Variants in SIMC1 observed in about 807,000 individuals in gnomAD.
The protein encoded by SIMC1 is SUMO-interacting motif-containing protein 1.
In SIMC1, 55 loss-of-function variants were observed where a neutral mutation model predicts 82.3. That is an observed-to-expected ratio of 0.67 (90% CI 0.54 to 0.84). The LOEUF (loss-of-function observed/expected upper bound fraction) is 0.84, where lower values mean the gene tolerates loss of function less well. SIMC1 is among the 40% of genes least tolerant of loss of function. SIMC1 has a pLI of 0.00. For missense variants in SIMC1, 915 were observed against 1,107.2 expected (o/e 0.83, Z 2.46); for synonymous variants, 353 against 426.3 (o/e 0.83, Z 2.12).
intron 4 of SIMC1, among the ~76,000 whole-genome samples, chr5:176,300,916 GAAC>G (rs1764014999): frequency 6.6e-6 from 1 of 152,064 alleles, no homozygotes; most frequent in Admixed American, 6.5e-5. Flanking sequence ...AATCTGAACA[GAAC>G]AATAACTAGT....
chr5:176,264,779 A>G (rs1762135373), intron 1 of SIMC1, among the ~76,000 whole-genome samples: 1 of 151,746 alleles, frequency 6.6e-6, no homozygotes, highest in Non-Finnish European at 1.5e-5. Context: ...CCCACATTTG[A>G]TTGTGGACTG....
rs1762734350 is a variant in SIMC1 at position 176,276,931 on chromosome 5, A to G, written c.130-12723A>G. Among the ~76,000 whole-genome samples, 2 of 150,780 alleles carry G rather than the reference A, an allele frequency of 1.3e-5. 1 individual carries two copies. The highest frequency in any genetic ancestry group is 4.9e-5 in the African/African-American group (2 of 40,908). On this transcript the variant is annotated intron_variant, in intron 1 of 9. Transcript: ENST00000429602. The stretch of plus-strand genomic sequence containing the variant: ...ATACGTGTACATGTGTCTTTATAGC[A>G]GCATGATTTATAGTCCTTTGGGTAT...
At chr5:176,336,285 A>G (rs576376531) in intron 7 of SIMC1, among the ~76,000 whole-genome samples, 45 of 152,266 alleles carry the variant, frequency 3.0e-4, no homozygotes, top group Admixed American at 8.5e-4. Context: ...TTTGCATACA[A>G]GTACACTTGC....
intron 7 of SIMC1, among the ~76,000 whole-genome samples, chr5:176,331,776 T>C (rs1765681602): frequency 1.3e-5 from 2 of 151,854 alleles, no homozygotes; most frequent in Admixed American, 1.3e-4. Flanking sequence ...CAAGACCAGC[T>C]TGGCCAGCAT....
At chr5:176,334,800 A>G (rs1765813211) in intron 7 of SIMC1, among the ~76,000 whole-genome samples, 1 of 152,140 alleles carries the variant, frequency 6.6e-6, no homozygotes, top group African/African-American at 2.4e-5. Context: ...TTCTCTCAAG[A>G]ATCACAGTCC....
At chr5:176,292,529 G>C (rs913569278) in intron 2 of SIMC1, among the ~76,000 whole-genome samples, 1 of 151,906 alleles carries the variant, frequency 6.6e-6, no homozygotes, top group Non-Finnish European at 1.5e-5. Flanking sequence ...TTATGCCTCT[G>C]CCTGACCACT....
chr5:176,267,913 C>T (rs1454972658), intron 1 of SIMC1, among the ~76,000 whole-genome samples: 12 of 149,084 alleles, frequency 8.0e-5, no homozygotes, highest in South Asian at 4.3e-4. Flanking sequence ...CGCACCATCA[C>T]GCCAGCCAGA....
At chr5:176,322,061 G>A (rs1458346500) in intron 5 of SIMC1, among the ~76,000 whole-genome samples, 1 of 151,848 alleles carries the variant, frequency 6.6e-6, no homozygotes, top group East Asian at 1.9e-4. Context: ...GCAGTTAAAT[G>A]TGATGTTTTT....
intron 5 of SIMC1, among the ~76,000 whole-genome samples, chr5:176,320,139 A>AG (rs1336942498): frequency 6.6e-6 from 1 of 152,248 alleles, no homozygotes; most frequent in East Asian, 1.9e-4. Flanking sequence ...GAAGATAGCA[A>AG]GGGTCTCTGC....
chr5:176,313,249 C>A, intron 4 of SIMC1: 1 of 1,371,638 alleles, frequency 7.3e-7, no homozygotes, highest in Non-Finnish European at 9.5e-7. Flanking sequence ...GAACCAGTTT[C>A]TCTTTCTCTG....
chr5:176,308,598 C>CA (rs1250159190), intron 4 of SIMC1: 2 of 1,583,068 alleles, frequency 1.3e-6, no homozygotes, highest in African/African-American at 2.7e-5. Context: ...CATACAGGCC[C>CA]AAAAGAGTTC....
intron 7 of SIMC1, among the ~76,000 whole-genome samples, chr5:176,328,231 A>G (rs1765475723): frequency 6.6e-6 from 1 of 152,208 alleles, no homozygotes; most frequent in Non-Finnish European, 1.5e-5. Flanking sequence ...ATAAGTTTAA[A>G]AAGCAAAATG....
rs1312420003 is a variant in SIMC1 at position 176,290,186 on chromosome 5, G to T, written c.662G>T (p.Cys221Phe). The change falls in exon 2 of 10, where the codon TGC becomes TTC. Residue 221 changes from cysteine (C) to phenylalanine (F), a missense_variant. This residue lies in a region of SIMC1 where 902 missense variants were observed against 1,040.3 expected (regional missense o/e 0.87). Transcript: ENST00000429602. ...DVSRPPQALP[C>F]PLRPLPCPPR... ...TCTCGCCCACCACAGGCCTTGCCGT[G>T]CCCCCTGCGACCTTTGCCATGCCCA... is the stretch of plus-strand genomic sequence containing the variant. 10 of 1,611,624 alleles carry T rather than the reference G, an allele frequency of 6.2e-6. No homozygotes were observed. The highest frequency in any genetic ancestry group is 8.5e-6 in the Non-Finnish European group (10 of 1,178,846).
At chr5:176,312,719 G>A (rs765703203) in intron 4 of SIMC1, among the ~76,000 whole-genome samples, 1 of 152,156 alleles carries the variant, frequency 6.6e-6, no homozygotes, top group African/African-American at 2.4e-5. Context: ...CCTACTGACT[G>A]AATCATATCC....
Position 176,331,368 on chromosome 5 carries a change from TAA to T in SIMC1, c.2172-5336_2172-5335del, listed in dbSNP as rs70991536. On this transcript the variant is annotated intron_variant, in intron 7 of 9. Coordinates refer to ENST00000429602, the MANE Select transcript of SIMC1 (RefSeq NM_001308195.2). ...CTGGGCGACAGAGCGAGACTCTGTC[TAA>T]AAAAAAAAAAAAAAAGTCAGTATCA... Among the ~76,000 whole-genome samples the T allele has an allele frequency of 8.1e-3, 1,061 of 131,404 alleles. 9 individuals carry two copies. The highest frequency in any genetic ancestry group is 0.015 in the African/African-American group (513 of 34,694). 86.2% of individuals were successfully genotyped at this position (131,404 alleles called of 152,430 possible). A position where few individuals can be genotyped will look rare whatever the true frequency, so the allele number is the denominator to read the frequency against.
At chr5:176,271,369 A>T (rs1332873428) in intron 1 of SIMC1, among the ~76,000 whole-genome samples, 2 of 152,116 alleles carry the variant, frequency 1.3e-5, no homozygotes, top group Non-Finnish European at 2.9e-5. Flanking sequence ...CAAAAAAAAA[A>T]GTGTATGAGT....
intron 1 of SIMC1, among the ~76,000 whole-genome samples, chr5:176,243,007 AT>A (rs1323730313): frequency 1.3e-5 from 2 of 152,142 alleles, no homozygotes; most frequent in African/African-American, 2.4e-5. Flanking sequence ...ATTATTTTTT[AT>A]TTTTTTATTA....
At chr5:176,341,879 A>G (rs1374385985) in intron 9 of SIMC1, among the ~76,000 whole-genome samples, 1 of 152,218 alleles carries the variant, frequency 6.6e-6, no homozygotes, top group East Asian at 1.9e-4. Flanking sequence ...TTTCAATGCT[A>G]AATGTCCTCA....
In SIMC1 at chr5:176,311,586, A is replaced by C. The variant is rs572599609; in HGVS notation, c.1735-2105A>C. On this transcript the variant is annotated intron_variant, in intron 4 of 9. Transcript: ENST00000429602. ...AAAGAGAGAAAGAATTATTTGGGGA[A>C]AATAGGTATTCTCAAGATTCAGCAC... Among the ~76,000 whole-genome samples the C allele has an allele frequency of 3.3e-5, 5 of 152,204 alleles. No individual in the cohort carries two copies. The South Asian group carries it at 1.0e-3, about 32-fold the overall frequency.
Sources: allele counts gnomAD v4.1 joint callset (sites outside exome capture counted in the v4.1 genomes callset), GRCh38; gene constraint gnomAD v4.1.1; regional missense constraint gnomAD v4.1.1; transcripts MANE v1.5; gene names NCBI Gene and HGNC (gene_info 2026-07-23, HGNC 2026-07-21).